NUCKS1: variants seen among roughly 807,000 people sequenced by gnomAD.
NUCKS1 encodes nuclear ubiquitous casein and cyclin-dependent kinase substrate 1.
A neutral mutation model predicts 33.0 loss-of-function variants in NUCKS1; 2 were observed. The observed-to-expected ratio is 0.06, with a 90% CI of 0.02 to 0.19. NUCKS1 has a LOEUF of 0.19. NUCKS1 is among the 10% of genes least tolerant of loss of function. NUCKS1 has a pLI of 1.00. For missense variants in NUCKS1, 201 were observed against 293.6 expected (o/e 0.68, Z 2.31); for synonymous variants, 106 against 102.8 (o/e 1.03, Z -0.19).
At chr1:205,743,602 GAA>G (rs1237124643) in intron 1 of NUCKS1, among the ~76,000 whole-genome samples, 2 of 152,116 alleles carry the variant, frequency 1.3e-5, no homozygotes, top group Admixed American at 1.3e-4. Flanking sequence ...TTGACTCACA[GAA>G]AGATTGTTTT....
intron 4 of NUCKS1, 41 bp downstream of exon 4, chr1:205,723,885 C>A: frequency 7.4e-7 from 1 of 1,353,866 alleles, no homozygotes; most frequent in Non-Finnish European, 1.0e-6. Context: ...AAATAATATA[C>A]AAATATAATT....
At chr1:205,738,714 T>C (rs1472726480) in intron 1 of NUCKS1, among the ~76,000 whole-genome samples, 1 of 152,084 alleles carries the variant, frequency 6.6e-6, no homozygotes, top group Non-Finnish European at 1.5e-5. Context: ...CTAGGCATCA[T>C]GGAGAAATTC....
Position 205,718,236 on chromosome 1 carries a change from T to C in NUCKS1, c.*44A>G, listed in dbSNP as rs764397737. ...TTCCTCCCTCTTTTTTCTTTTTTTT[T>C]CTTTTTTTTTTTAATAAAATCTCTC... On this transcript the variant is annotated 3_prime_UTR_variant, in exon 7 of 7. Transcript: ENST00000367142. 2.2e-6 allele frequency: 2 copies of C among 926,514 alleles called. No homozygotes were observed. Among genetic ancestry groups the C allele is most frequent in the Non-Finnish European group, 3.2e-6 (2 of 626,644 alleles). 57.4% of individuals were successfully genotyped at this position (926,514 alleles called of 1,614,324 possible). A position where few individuals can be genotyped will look rare whatever the true frequency, so the allele number is the denominator to read the frequency against.
In NUCKS1 at chr1:205,750,068, G is replaced by A; in HGVS notation, c.-95C>T. ...GCCCCACCCCCCCCGAACTTCAGCC[G>A]ATGGGACCGCTGCTGCCGAACCCCG... On this transcript the variant is annotated 5_prime_UTR_variant, in exon 1 of 7. Coordinates refer to ENST00000367142, the MANE Select transcript of NUCKS1 (RefSeq NM_022731.5). 8.3e-7 allele frequency: 1 copy of A among 1,198,676 alleles called. No individual in the cohort carries two copies. Among genetic ancestry groups the A allele is most frequent in the Non-Finnish European group, 1.1e-6 (1 of 910,222 alleles). 74.3% of individuals were successfully genotyped at this position (1,198,676 alleles called of 1,614,324 possible).
At position 205,720,679 on chromosome 1, in the gene NUCKS1, T is replaced by C. The variant is rs823094; in HGVS notation, c.230-26A>G. 6.3e-6 allele frequency: 10 copies of C among 1,578,716 alleles called. No individual in the cohort carries two copies. The South Asian group carries it at 1.2e-4, about 18-fold the overall frequency. On this transcript the variant is annotated intron_variant, in intron 4 of 6. Transcript: ENST00000367142. The stretch of plus-strand genomic sequence containing the variant: ...CTGCAATATCAGAATTACCATGATA[T>C]AATGATTAAAGAATTTTATATTTGA...
At chr1:205,720,155 T>C (rs1397009738) in intron 5 of NUCKS1, among the ~76,000 whole-genome samples, 2 of 152,200 alleles carry the variant, frequency 1.3e-5, no homozygotes, top group Non-Finnish European at 2.9e-5. Flanking sequence ...AACATGTTTT[T>C]TTCTGTGAAA....
At chr1:205,721,103 C>T (rs1671908387) in intron 4 of NUCKS1, among the ~76,000 whole-genome samples, 1 of 147,058 alleles carries the variant, frequency 6.8e-6, no homozygotes, top group Non-Finnish European at 1.5e-5. Flanking sequence ...CACACTGGGG[C>T]CTGTGGCGAG....
At position 205,713,609 on chromosome 1, in the gene NUCKS1, C is replaced by T. The variant is rs903464962; in HGVS notation, c.*4671G>A. 6.6e-6 allele frequency: 1 copy of T among 152,296 alleles called. No individual in the cohort carries two copies. The highest frequency in any genetic ancestry group is 6.5e-5 in the Admixed American group (1 of 15,290). 9.4% of individuals were successfully genotyped at this position (152,296 alleles called of 1,614,324 possible). A position where few individuals can be genotyped will look rare whatever the true frequency, so the allele number is the denominator to read the frequency against. ...GTCAACAAAATCATGTTCACTTCAA[C>T]CCCATTTCATTTAAATTAAAGAAAA... On this transcript the variant is annotated 3_prime_UTR_variant, in exon 7 of 7. Transcript: ENST00000367142.
chr1:205,720,708 G>A (rs768931463), intron 4 of NUCKS1, 55 bp from the exon 5 acceptor site: 3 of 1,502,986 alleles, frequency 2.0e-6, no homozygotes, highest in Non-Finnish European at 2.7e-6. Flanking sequence ...TATTTGACAA[G>A]ATAGTGCAAA....
At chr1:205,734,183 A>G (rs1653981475) in intron 1 of NUCKS1, among the ~76,000 whole-genome samples, 1 of 152,144 alleles carries the variant, frequency 6.6e-6, no homozygotes, top group Non-Finnish European at 1.5e-5. Flanking sequence ...CTGGCCTGTA[A>G]CTTGTTACTT....
At chr1:205,748,345 T>C (rs1210118068) in intron 1 of NUCKS1, among the ~76,000 whole-genome samples, 2 of 152,216 alleles carry the variant, frequency 1.3e-5, no homozygotes, top group African/African-American at 4.8e-5. Flanking sequence ...TTGACCTAAT[T>C]TGACCACACA....
chr1:205,731,877 AAG>A (rs1267054488), intron 1 of NUCKS1, among the ~76,000 whole-genome samples: 1 of 151,460 alleles, frequency 6.6e-6, no homozygotes, highest in African/African-American at 2.4e-5. Flanking sequence ...GCCTGGGCGA[AAG>A]AGAGAGACTC....
At chr1:205,749,171 AAC>A (rs1229392332) in intron 1 of NUCKS1, among the ~76,000 whole-genome samples, 2 of 152,250 alleles carry the variant, frequency 1.3e-5, no homozygotes, top group African/African-American at 2.4e-5. Flanking sequence ...CCGTGCTGTT[AAC>A]CCGCACCTCC....
At chr1:205,726,821 A>G (rs1653792323) in intron 3 of NUCKS1, among the ~76,000 whole-genome samples, 2 of 152,252 alleles carry the variant, frequency 1.3e-5, no homozygotes, top group Non-Finnish European at 2.9e-5. Flanking sequence ...GTCACATAAT[A>G]AACAGTAGCC....
intron 1 of NUCKS1, among the ~76,000 whole-genome samples, chr1:205,731,646 C>T (rs1261193096): frequency 6.6e-6 from 1 of 152,162 alleles, no homozygotes; most frequent in East Asian, 1.9e-4. Context: ...AATTTCACCA[C>T]TTTGGGAGGC....
chr1:205,725,283 A>G (rs1230994663), intron 3 of NUCKS1, among the ~76,000 whole-genome samples: 3 of 152,238 alleles, frequency 2.0e-5, no homozygotes, highest in Non-Finnish European at 4.4e-5. Context: ...ATTCTGAAGA[A>G]CAAAAACCAA....
At chr1:205,749,001 G>A (rs1654402641) in intron 1 of NUCKS1, among the ~76,000 whole-genome samples, 1 of 152,120 alleles carries the variant, frequency 6.6e-6, no homozygotes, top group Admixed American at 6.5e-5. Context: ...ACCGACAGCT[G>A]GGGGAATAGC....
At position 205,749,829 on chromosome 1, in the gene NUCKS1, G is replaced by A. The variant is rs1490242380; in HGVS notation, c.17+128C>T. The A allele has an allele frequency of 3.2e-5, 32 of 1,005,404 alleles. No homozygotes were observed. In the African/African-American group the frequency reaches 4.9e-4, roughly 15 times the overall value. 62.3% of individuals were successfully genotyped at this position (1,005,404 alleles called of 1,614,324 possible). A position where few individuals can be genotyped will look rare whatever the true frequency, so the allele number is the denominator to read the frequency against. On this transcript the variant is annotated intron_variant, in intron 1 of 6. Transcript: ENST00000367142. Reference sequence around the variant, plus strand: ...CCCCCCACGCTCAAGGGTGCGCGCGGGCCCCGAAAGGGAGGAGGCCGCGCG... The same window carrying A: ...CCCCCCACGCTCAAGGGTGCGCGCGAGCCCCGAAAGGGAGGAGGCCGCGCG...
intron 3 of NUCKS1, among the ~76,000 whole-genome samples, chr1:205,726,818 A>G (rs1653792255): frequency 6.6e-6 from 1 of 152,230 alleles, no homozygotes; most frequent in Non-Finnish European, 1.5e-5. Context: ...ATTGTCACAT[A>G]ATAAACAGTA....
Sources: allele counts gnomAD v4.1 joint callset (sites outside exome capture counted in the v4.1 genomes callset), GRCh38; gene constraint gnomAD v4.1.1; transcripts MANE v1.5; gene names NCBI Gene and HGNC (gene_info 2026-07-23, HGNC 2026-07-21).